AGBL4: variants seen among roughly 807,000 people sequenced by gnomAD.
AGBL4 encodes the protein cytosolic carboxypeptidase 6.
In AGBL4, 58 loss-of-function variants were observed where a neutral mutation model predicts 66.4. That is an observed-to-expected ratio of 0.87 (90% CI 0.71 to 1.09). AGBL4 has a LOEUF of 1.09. Ranked by LOEUF, AGBL4 falls within the 50% of genes least tolerant of loss-of-function variation. The pLI, the probability that AGBL4 is intolerant of heterozygous loss-of-function variation, is 0.00. For synonymous variants in AGBL4, 234 were observed against 222.9 expected, an observed-to-expected ratio of 1.05 and a Z score of -0.44; for missense variants, 579 against 631.0, an observed-to-expected ratio of 0.92 and a Z score of 0.88.
intron 11 of AGBL4, among the ~76,000 whole-genome samples, chr1:48,582,378 A>T (rs1644752855): frequency 6.6e-6 from 1 of 152,242 alleles, no homozygotes; most frequent in Non-Finnish European, 1.5e-5. Flanking sequence ...CAGAGCTGGA[A>T]GGAACTAGAA....
At chr1:49,444,528 C>A (rs979675735) in intron 3 of AGBL4, among the ~76,000 whole-genome samples, 1 of 151,950 alleles carries the variant, frequency 6.6e-6, no homozygotes, top group African/African-American at 2.4e-5. Flanking sequence ...TATGTAATAA[C>A]CTTTTTTTTC....
intron 5 of AGBL4, among the ~76,000 whole-genome samples, chr1:49,006,122 A>G (rs1240586876): frequency 6.6e-6 from 1 of 152,178 alleles, no homozygotes; most frequent in Admixed American, 6.5e-5. Context: ...TACCGGGTTC[A>G]TCTCACTAGG....
intron 3 of AGBL4, among the ~76,000 whole-genome samples, chr1:49,293,070 C>A (rs1644573664): frequency 6.6e-6 from 1 of 152,216 alleles, no homozygotes; most frequent in African/African-American, 2.4e-5. Flanking sequence ...CTCTTTGGGG[C>A]CCTGCAGTTC....
chr1:48,979,779 A>G (rs948644501), intron 5 of AGBL4, among the ~76,000 whole-genome samples: 1 of 152,168 alleles, frequency 6.6e-6, no homozygotes, highest in South Asian at 2.1e-4. Flanking sequence ...TCAAGAAACT[A>G]TTATTATTTA....
At chr1:48,707,968 C>A (rs540106014) in intron 6 of AGBL4, among the ~76,000 whole-genome samples, 1 of 152,316 alleles carries the variant, frequency 6.6e-6, no homozygotes, top group South Asian at 2.1e-4. Flanking sequence ...TGGGTGGGCA[C>A]TTTCCATGTC....
At chr1:49,644,905 A>G (rs1028109713) in intron 3 of AGBL4, among the ~76,000 whole-genome samples, 6 of 151,580 alleles carry the variant, frequency 4.0e-5, no homozygotes, top group African/African-American at 1.4e-4. Context: ...ATTTACATCA[A>G]GGATTCAAAT....
chr1:49,308,394 A>G (rs1644886043), intron 3 of AGBL4, among the ~76,000 whole-genome samples: 1 of 152,118 alleles, frequency 6.6e-6, no homozygotes, highest in African/African-American at 2.4e-5. Context: ...GTAATAATTG[A>G]TACATTTCAC....
intron 2 of AGBL4, among the ~76,000 whole-genome samples, chr1:49,730,830 C>A (rs538932098): frequency 3.9e-5 from 6 of 152,120 alleles, no homozygotes; most frequent in Non-Finnish European, 7.4e-5. Flanking sequence ...TTCTGGCTGG[C>A]GAAGTGGCAC....
intron 3 of AGBL4, among the ~76,000 whole-genome samples, chr1:49,581,346 T>G (rs959675843): frequency 1.3e-5 from 2 of 152,190 alleles, no homozygotes; most frequent in Non-Finnish European, 2.9e-5. Flanking sequence ...ATTTCAAGAA[T>G]TTATTTTTGG....
chr1:49,472,541 AG>A (rs1430686202), intron 3 of AGBL4, among the ~76,000 whole-genome samples: 1 of 152,070 alleles, frequency 6.6e-6, no homozygotes, highest in Non-Finnish European at 1.5e-5. Flanking sequence ...CTCCTCGAAA[AG>A]TTAAAAATAG....
intron 3 of AGBL4, among the ~76,000 whole-genome samples, chr1:49,324,783 A>C (rs1645196491): frequency 6.6e-6 from 1 of 152,194 alleles, no homozygotes; most frequent in African/African-American, 2.4e-5. Flanking sequence ...ACTATAATCT[A>C]TACATTTCTG....
chr1:48,760,420 G>A (rs186655847), intron 6 of AGBL4, among the ~76,000 whole-genome samples: 72 of 152,344 alleles, frequency 4.7e-4, no homozygotes, highest in Middle Eastern at 6.8e-3. Context: ...CCAGCCCAAT[G>A]AAACCATGAC....
At chr1:49,843,344 G>T (rs1490233306) in intron 2 of AGBL4, among the ~76,000 whole-genome samples, 1 of 151,772 alleles carries the variant, frequency 6.6e-6, no homozygotes, top group Non-Finnish European at 1.5e-5. Flanking sequence ...TCAGCATTTT[G>T]CCCAGGCATG....
intron 5 of AGBL4, among the ~76,000 whole-genome samples, chr1:48,949,935 C>A (rs577995753): frequency 2.0e-5 from 3 of 152,120 alleles, no homozygotes; most frequent in Non-Finnish European, 4.4e-5. Context: ...TAAAAACTAA[C>A]CCCTCTAAAT....
intron 11 of AGBL4, chr1:48,585,496 C>T (rs1375130854): frequency 6.6e-6 from 1 of 152,254 alleles, no homozygotes; most frequent in African/African-American, 2.4e-5. Context: ...GTGTATGGGG[C>T]ATGAAGAGGG....
intron 6 of AGBL4, among the ~76,000 whole-genome samples, chr1:48,676,469 G>T (rs1327346663): frequency 1.3e-5 from 2 of 152,226 alleles, no homozygotes; most frequent in Non-Finnish European, 2.9e-5. Flanking sequence ...CATAGAATGT[G>T]GATCATAGCA....
chr1:48,577,157 G>C (rs1255626080), intron 11 of AGBL4, among the ~76,000 whole-genome samples: 1 of 152,186 alleles, frequency 6.6e-6, no homozygotes, highest in Non-Finnish European at 1.5e-5. Flanking sequence ...ACCTGAAACT[G>C]GTTGGAGCTA....
intron 1 of AGBL4, among the ~76,000 whole-genome samples, chr1:49,984,112 G>A (rs750542904): frequency 5.3e-5 from 8 of 152,186 alleles, no homozygotes; most frequent in South Asian, 2.1e-4. Context: ...TATACTTAAC[G>A]AATAAACTAT....
intron 6 of AGBL4, among the ~76,000 whole-genome samples, chr1:48,742,297 G>A (rs1342898544): frequency 1.3e-5 from 2 of 152,008 alleles, no homozygotes; most frequent in Admixed American, 6.6e-5. Flanking sequence ...TAGGAAGGTG[G>A]GACAAGTTTC....
Sources: allele counts gnomAD v4.1 joint callset (sites outside exome capture counted in the v4.1 genomes callset), GRCh38; gene constraint gnomAD v4.1.1; transcripts MANE v1.5; gene names NCBI Gene and HGNC (gene_info 2026-07-23, HGNC 2026-07-21).